The following MYO5B variants were observed in gnomAD, a reference collection of about 807,000 sequenced individuals.
MYO5B encodes myosin VB.
MYO5B carries 143 observed loss-of-function variants against 229.3 expected under a neutral mutation model. That is an observed-to-expected ratio of 0.62 (90% confidence interval 0.54 to 0.72). The LOEUF (loss-of-function observed/expected upper bound fraction) is 0.72, where lower values mean the gene tolerates loss of function less well. Among genes scored for constraint, MYO5B ranks in the 30% least tolerant of loss-of-function variants. The probability of loss-of-function intolerance (pLI) is 0.00; values close to 1 mark genes in which losing one functional copy is unlikely to be tolerated. For missense variants in MYO5B, 2,321 were observed against 2,331.0 expected (o/e 1.00, Z 0.09); for synonymous variants, 918 against 885.2 (o/e 1.04, Z -0.66).
At chr18:50,187,611 G>T (rs1036107826) in intron 1 of MYO5B, among the ~76,000 whole-genome samples, 2 of 152,130 alleles carry the variant, frequency 1.3e-5, no homozygotes, top group Admixed American at 1.3e-4. Flanking sequence ...CAACTCCCAG[G>T]CTCAAGCAAT....
intron 1 of MYO5B, among the ~76,000 whole-genome samples, chr18:50,122,132 CAT>C (rs1568115030): frequency 6.6e-6 from 1 of 152,120 alleles, no homozygotes; most frequent in Non-Finnish European, 1.5e-5. Context: ...GAGAACTAAA[CAT>C]AAAGTACAGA....
At chr18:49,943,360 A>G (rs551400944) in intron 14 of MYO5B, among the ~76,000 whole-genome samples, 1 of 150,524 alleles carries the variant, frequency 6.6e-6, no homozygotes, top group African/African-American at 2.4e-5. Context: ...AAGTATAATT[A>G]AAAAAAAAAT....
At chr18:50,109,620 G>A (rs940253988) in intron 1 of MYO5B, among the ~76,000 whole-genome samples, 2 of 151,952 alleles carry the variant, frequency 1.3e-5, no homozygotes, top group Non-Finnish European at 2.9e-5. Context: ...TAGAGACAGG[G>A]TCTCACCGCA....
chr18:49,843,200 C>A lies in MYO5B; in HGVS notation c.4611+41G>T, dbSNP rs778043393. ...GCAACAGTAAGGGGCTGGCTTCACT[C>A]TACCCACCACAAACCATGACCTTCT... is the stretch of plus-strand genomic sequence containing the variant. On this transcript the variant is annotated intron_variant, in intron 34 of 39. Coordinates refer to ENST00000285039, the MANE Select transcript of MYO5B (RefSeq NM_001080467.3). 3.7e-6 allele frequency: 6 copies of A among 1,612,068 alleles called. No individual in the cohort carries two copies. The South Asian group carries it at 5.5e-5, about 15-fold the overall frequency.
intron 1 of MYO5B, among the ~76,000 whole-genome samples, chr18:50,128,672 A>T (rs1009137534): frequency 1.3e-5 from 2 of 152,194 alleles, no homozygotes; most frequent in African/African-American, 4.8e-5. Context: ...ACAAAGGCCA[A>T]AGAGCCCAGG....
chr18:49,936,492 G>A, intron 15 of MYO5B, 143 bp from the exon 16 acceptor site: 1 of 729,372 alleles, frequency 1.4e-6, no homozygotes, highest in Non-Finnish European at 2.4e-6. Flanking sequence ...AGAGACCTGG[G>A]GTAAGATTCC....
At chr18:50,192,524 T>C (rs1203512497) in intron 1 of MYO5B, among the ~76,000 whole-genome samples, 1 of 152,252 alleles carries the variant, frequency 6.6e-6, no homozygotes, top group Non-Finnish European at 1.5e-5. Flanking sequence ...TGAAGACATC[T>C]GCTTATTATG....
At chr18:50,194,268 C>T (rs138674813) in intron 1 of MYO5B, among the ~76,000 whole-genome samples, 2,058 of 152,328 alleles carry the variant, frequency 0.014, 49 homozygotes, top group African/African-American at 0.047. Flanking sequence ...CCAGGGTTCC[C>T]TGTTGTGGGT....
chr18:50,059,517 C>A (rs1483463853), intron 1 of MYO5B, among the ~76,000 whole-genome samples: 1 of 152,126 alleles, frequency 6.6e-6, no homozygotes, highest in African/African-American at 2.4e-5. Context: ...TTTGTATATG[C>A]AGATCTGATC....
intron 1 of MYO5B, among the ~76,000 whole-genome samples, chr18:50,106,369 C>A (rs1468556431): frequency 6.6e-6 from 1 of 152,192 alleles, no homozygotes; most frequent in African/African-American, 2.4e-5. Flanking sequence ...TTGCTCAGAG[C>A]TCTTAGATGC....
rs777701945 is a variant in MYO5B at position 49,912,149 on chromosome 18, G to C, written c.2115C>G (p.Asn705Lys). ...TCTTCTTGACCAGCACCCGATACCGGTTGAAAAAGTCATGGTAGGCCCACC... is the reference window on the plus strand; with the variant it reads ...TCTTCTTGACCAGCACCCGATACCGCTTGAAAAAGTCATGGTAGGCCCACC... ...PSRWAYHDFF[N>K]RYRVLVKKRE... The change falls in exon 18 of 40, where the codon AAC (asparagine) becomes AAG (lysine). Residue 705 changes from asparagine (N) to lysine (K), a missense_variant. Physicochemically the swap from Asn to Lys is moderately conservative, Grantham distance 94. Transcript: ENST00000285039. 1 of 1,613,998 alleles carries C rather than the reference G, an allele frequency of 6.2e-7. No individual in the cohort carries two copies. The highest frequency in any genetic ancestry group is 1.1e-5 in the South Asian group (1 of 91,068).
intron 30 of MYO5B, among the ~76,000 whole-genome samples, chr18:49,855,521 T>C (rs1469482897): frequency 6.6e-6 from 1 of 152,206 alleles, no homozygotes; most frequent in East Asian, 1.9e-4. Flanking sequence ...AACAAACTAC[T>C]TGGTGGGACA....
At chr18:50,110,685 G>T (rs957829961) in intron 1 of MYO5B, among the ~76,000 whole-genome samples, 1 of 152,154 alleles carries the variant, frequency 6.6e-6, no homozygotes, top group Non-Finnish European at 1.5e-5. Context: ...AACTGAGGAC[G>T]GAAGTTAAGG....
chr18:50,031,894 T>A (rs2026393526), intron 4 of MYO5B, among the ~76,000 whole-genome samples: 1 of 152,210 alleles, frequency 6.6e-6, no homozygotes, highest in Non-Finnish European at 1.5e-5. Context: ...GCATAATGGA[T>A]CCCTATCTTG....
At position 49,902,789 on chromosome 18, in the gene MYO5B, C is replaced by T. The variant is rs779778366; in HGVS notation, c.2616G>A (p.Arg872=). 1.9e-6 allele frequency: 3 copies of T among 1,602,956 alleles called. No individual in the cohort carries two copies. Among genetic ancestry groups the T allele is most frequent in the East Asian group, 2.2e-5 (1 of 44,886 alleles). Reference sequence around the variant, plus strand: ...GGAAGTGCCTGCGTGCCATCCAGCCCCGCACGTGCTTCTGGATGGTGGTGG... The same window carrying T: ...GGAAGTGCCTGCGTGCCATCCAGCCTCGCACGTGCTTCTGGATGGTGGTGG... ...HKATTIQKHV[R]GWMARRHFQR... Residue 872 remains arginine (R), a synonymous_variant, in exon 21 of 40, where the codon CGG becomes CGA. Transcript: ENST00000285039.
chr18:50,009,221 T>C lies in MYO5B; in HGVS notation c.456-7810A>G, dbSNP rs369982248. Among the ~76,000 whole-genome samples, 21 of 152,132 alleles carry C rather than the reference T, an allele frequency of 1.4e-4. 1 individual carries two copies. In the East Asian group the frequency reaches 3.7e-3, roughly 27 times the overall value. On this transcript the variant is annotated intron_variant, in intron 4 of 39. Coordinates refer to ENST00000285039, the MANE Select transcript of MYO5B (RefSeq NM_001080467.3). Reference sequence around the variant, plus strand: ...GGTGAAACCCCATCTCTACTAAAAATACAAAAATTAGCTGGGTGTGGTGGT... The same window carrying C: ...GGTGAAACCCCATCTCTACTAAAAACACAAAAATTAGCTGGGTGTGGTGGT...
chr18:49,853,584 C>T lies in MYO5B; in HGVS notation c.4086G>A (p.Lys1362=), dbSNP rs2969924. Reference sequence around the variant, plus strand: ...CCTCCTTCAGGGCCTCGAGCTGAGCCTTGAGATGCTCCACCTCCTCCTCAT... The same window carrying T: ...CCTCCTTCAGGGCCTCGAGCTGAGCTTTGAGATGCTCCACCTCCTCCTCAT... The part of the protein sequence containing the change: ...LEHEEEVEHL[K]AQLEALKEEM... The change falls in exon 31 of 40, where the codon AAG becomes AAA. Residue 1362 remains lysine (K), a synonymous_variant. Transcript: ENST00000285039. 1 of 1,614,164 alleles carries T rather than the reference C, an allele frequency of 6.2e-7. No individual in the cohort carries two copies. The highest frequency in any genetic ancestry group is 1.1e-5 in the South Asian group (1 of 91,084).
chr18:49,915,721 T>G (rs1192572378), intron 17 of MYO5B, among the ~76,000 whole-genome samples: 1 of 152,220 alleles, frequency 6.6e-6, no homozygotes, highest in African/African-American at 2.4e-5. Flanking sequence ...CAATAAATAT[T>G]CAGAACACTC....
chr18:49,838,825 G>T (rs889499901), intron 36 of MYO5B, among the ~76,000 whole-genome samples: 3 of 152,110 alleles, frequency 2.0e-5, no homozygotes, highest in South Asian at 2.1e-4. Flanking sequence ...GGTTAAGAGG[G>T]TTATGCTTTT....
Sources: gnomAD v4.1 joint callset for allele counts (sites outside exome capture counted in the v4.1 genomes callset) on GRCh38, gnomAD v4.1.1 for gene constraint, MANE v1.5 for transcripts, NCBI Gene and HGNC (gene_info 2026-07-23, HGNC 2026-07-21) for gene names.